Variants in ITGA9 observed in about 807,000 individuals in gnomAD.
The protein encoded by ITGA9 is integrin subunit alpha 9.
In ITGA9, 56 loss-of-function variants were observed where a neutral mutation model predicts 127.8. That is an observed-to-expected ratio of 0.44 (90% CI 0.35 to 0.55). ITGA9 has a LOEUF of 0.55. ITGA9 is among the 20% of genes least tolerant of loss of function. The pLI, the probability that ITGA9 is intolerant of heterozygous loss-of-function variation, is 0.00. For synonymous variants in ITGA9, 508 were observed against 514.5 expected (o/e 0.99, Z 0.17); for missense variants, 1,196 against 1,347.1 (o/e 0.89, Z 1.76).
At chr3:37,497,683 C>T (rs1487271475) in intron 5 of ITGA9, among the ~76,000 whole-genome samples, 1 of 152,166 alleles carries the variant, frequency 6.6e-6, no homozygotes, top group Non-Finnish European at 1.5e-5. Context: ...GCCATCCTGC[C>T]GTGTGGCGAC....
At chr3:37,529,222 A>G (rs983976252) in intron 13 of ITGA9, among the ~76,000 whole-genome samples, 8 of 152,154 alleles carry the variant, frequency 5.3e-5, no homozygotes, top group Admixed American at 4.6e-4. Context: ...TCCCCATTTT[A>G]TGGGTGAGGA....
chr3:37,474,835 G>C (rs1698475929), intron 3 of ITGA9, among the ~76,000 whole-genome samples: 1 of 152,250 alleles, frequency 6.6e-6, no homozygotes, highest in Admixed American at 6.5e-5. Context: ...TTTTCCTTAA[G>C]GCACTAGGCA....
At chr3:37,465,843 G>A (rs1698364152) in intron 1 of ITGA9, among the ~76,000 whole-genome samples, 1 of 152,116 alleles carries the variant, frequency 6.6e-6, no homozygotes, top group Non-Finnish European at 1.5e-5. Context: ...TTACATATGT[G>A]AGTAGCTGGC....
intron 15 of ITGA9, among the ~76,000 whole-genome samples, chr3:37,571,763 G>A (rs1699604575): frequency 6.6e-6 from 1 of 152,018 alleles, no homozygotes. Context: ...GCTTTCTTAG[G>A]CACTAGGAAG....
intron 15 of ITGA9, among the ~76,000 whole-genome samples, chr3:37,610,065 G>C (rs1194057377): frequency 6.6e-6 from 1 of 152,174 alleles, no homozygotes; most frequent in Non-Finnish European, 1.5e-5. Flanking sequence ...GGAAATGCTG[G>C]GATTTGCCTT....
intron 27 of ITGA9, among the ~76,000 whole-genome samples, chr3:37,813,118 A>G (rs1451962680): frequency 6.6e-6 from 1 of 152,180 alleles, no homozygotes; most frequent in Non-Finnish European, 1.5e-5. Flanking sequence ...ACTGGCTATG[A>G]AGTACTATAG....
At chr3:37,672,471 T>A (rs896817184) in intron 17 of ITGA9, among the ~76,000 whole-genome samples, 11 of 152,232 alleles carry the variant, frequency 7.2e-5, no homozygotes, top group Admixed American at 2.0e-4. Context: ...CCCAGCCATG[T>A]GGAACTGTGA....
At chr3:37,664,693 C>T (rs1044429552) in intron 17 of ITGA9, among the ~76,000 whole-genome samples, 9 of 151,748 alleles carry the variant, frequency 5.9e-5, no homozygotes, top group African/African-American at 1.7e-4. Flanking sequence ...TGAACCACCG[C>T]GCCTGGCCGA....
At chr3:37,741,673 C>T (rs2125533325) in intron 20 of ITGA9, 57 bp from the exon 21 acceptor site, 1 of 1,329,086 alleles carries the variant, frequency 7.5e-7, no homozygotes, top group South Asian at 1.2e-5. Flanking sequence ...CAGAGAAAGC[C>T]CACTGCTGGA....
chr3:37,452,668 G>C lies in ITGA9; in HGVS notation c.185+109G>C. On this transcript the variant is annotated intron_variant, in intron 1 of 27. Coordinates refer to ENST00000264741, the MANE Select transcript of ITGA9 (RefSeq NM_002207.3). The surrounding 1 kb of genome is among the most constrained non-coding windows in gnomAD (Gnocchi z 7.3). ...TCTCTTCCACGCCGCCGTCCCGAGG[G>C]GGCGATTTAAATGTCTCCGTTGCGC... 4.8e-6 allele frequency: 5 copies of C among 1,033,194 alleles called. No individual in the cohort carries two copies. Among genetic ancestry groups the C allele is most frequent in the Non-Finnish European group, 6.5e-6 (5 of 766,790 alleles). 64.0% of individuals were successfully genotyped at this position (1,033,194 alleles called of 1,614,324 possible).
At chr3:37,656,467 G>C (rs1433405644) in intron 17 of ITGA9, among the ~76,000 whole-genome samples, 1 of 152,140 alleles carries the variant, frequency 6.6e-6, no homozygotes. Context: ...GTGAATGGGA[G>C]TTCACTCATG....
intron 9 of ITGA9, among the ~76,000 whole-genome samples, chr3:37,516,167 A>G (rs1212661566): frequency 6.6e-6 from 1 of 152,166 alleles, no homozygotes; most frequent in Non-Finnish European, 1.5e-5. Context: ...CCAGGCCTCC[A>G]CTGGGCATGA....
At chr3:37,576,655 G>A (rs755005347) in intron 15 of ITGA9, among the ~76,000 whole-genome samples, 2 of 152,172 alleles carry the variant, frequency 1.3e-5, no homozygotes, top group African/African-American at 4.8e-5. Flanking sequence ...CGCCCAGGCT[G>A]GAATGCAGTG....
intron 6 of ITGA9, 67 bp from the exon 7 acceptor site, chr3:37,505,933 A>G (rs181281323): frequency 1.9e-4 from 219 of 1,153,166 alleles, no homozygotes; most frequent in Non-Finnish European, 2.6e-4. Context: ...TTTTCCTCTG[A>G]TGGATGTTTT....
At chr3:37,626,205 A>G (rs1487902877) in intron 15 of ITGA9, among the ~76,000 whole-genome samples, 1 of 152,198 alleles carries the variant, frequency 6.6e-6, no homozygotes, top group East Asian at 1.9e-4. Flanking sequence ...GTAAACAAGT[A>G]ATTTTTTAGG....
intron 15 of ITGA9, among the ~76,000 whole-genome samples, chr3:37,576,757 A>G (rs574383554): frequency 1.5e-3 from 223 of 152,174 alleles, no homozygotes; most frequent in Non-Finnish European, 2.0e-3. Flanking sequence ...GCGCACCACC[A>G]CCATGCCTGC....
At chr3:37,697,607 T>C (rs1460788692) in intron 18 of ITGA9, among the ~76,000 whole-genome samples, 1 of 152,112 alleles carries the variant, frequency 6.6e-6, no homozygotes, top group Admixed American at 6.5e-5. Context: ...ATCCTTGTGA[T>C]AGTTTGCTCA....
chr3:37,550,400 C>G (rs1431283660), intron 15 of ITGA9, among the ~76,000 whole-genome samples: 1 of 152,144 alleles, frequency 6.6e-6, no homozygotes, highest in Non-Finnish European at 1.5e-5. Context: ...CCAGAGGTGA[C>G]AGCTTTTGGG....
chr3:37,753,028 A>G (rs983590343), intron 23 of ITGA9, among the ~76,000 whole-genome samples: 1 of 151,938 alleles, frequency 6.6e-6, no homozygotes, highest in Non-Finnish European at 1.5e-5. Context: ...ACTGCTTCCC[A>G]CCCACGGGGG....
Sources: gnomAD v4.1 joint callset for allele counts (sites outside exome capture counted in the v4.1 genomes callset) on GRCh38, gnomAD v4.1.1 for gene constraint, Gnocchi (gnomAD v3.1) non-coding constraint, MANE v1.5 for transcripts, NCBI Gene and HGNC (gene_info 2026-07-23, HGNC 2026-07-21) for gene names.